The following DNAAF3 variants were observed in gnomAD, a reference collection of about 807,000 sequenced individuals.
DNAAF3 encodes the protein dynein axonemal assembly factor 3.
A neutral mutation model predicts 50.9 loss-of-function variants in DNAAF3; 40 were observed. The ratio of observed to expected loss-of-function variants is 0.79; its 90% CI spans 0.61 to 1.02. DNAAF3 has a LOEUF of 1.02. Ranked by LOEUF, DNAAF3 falls within the 50% of genes least tolerant of loss-of-function variation. The pLI, the probability that DNAAF3 is intolerant of heterozygous loss-of-function variation, is 0.00. For missense variants in DNAAF3, 763 were observed against 744.7 expected (o/e 1.02, Z -0.29); for synonymous variants, 327 against 322.8 (o/e 1.01, Z -0.14).
rs28377509 is a variant in DNAAF3, at chr19:55,159,457, T to C, written c.1239-8A>G. ...CGCACGTCCACCAGGTACCTGCAGA[T>C]GGGAAGCGCCCTGTCAGGGACCCAG... On this transcript the variant is annotated splice_region_variant and splice_polypyrimidine_tract_variant and intron_variant, in intron 11 of 11. Transcript: ENST00000524407. 0.26 allele frequency: 412,255 copies of C among 1,612,414 alleles called. 65,011 individuals carry two copies. The highest frequency in any genetic ancestry group is 0.66 in the African/African-American group (49,697 of 74,910).
chr19:55,159,015 A>G lies in DNAAF3; in HGVS notation c.*47T>C. 6.5e-7 allele frequency: 1 copy of G among 1,527,448 alleles called. No individual in the cohort carries two copies. Among genetic ancestry groups the G allele is most frequent in the South Asian group, 1.3e-5 (1 of 76,958 alleles). The allele number at this position is 1,527,448 out of a possible 1,614,324, so 94.6% of individuals were successfully genotyped here. On this transcript the variant is annotated 3_prime_UTR_variant, in exon 12 of 12. Coordinates refer to ENST00000524407, the MANE Select transcript of DNAAF3 (RefSeq NM_001256715.2). The stretch of plus-strand genomic sequence containing the variant: ...AATGGTATCAGCGGGTTCTCATCCT[A>G]CAACCTGACTTTGGAAGTTGGAGAT...
rs12104158 is a variant in DNAAF3, at chr19:55,161,599, G to T, written c.663+44C>A. 162,754 of 1,502,956 alleles carry T rather than the reference G, an allele frequency of 0.11. 9,424 individuals are homozygous for T. The highest frequency in any genetic ancestry group is 0.19 in the African/African-American group (13,562 of 71,608). The allele number at this position is 1,502,956 out of a possible 1,614,324, so 93.1% of individuals were successfully genotyped here. On this transcript the variant is annotated intron_variant, in intron 6 of 11. Coordinates refer to ENST00000524407, the MANE Select transcript of DNAAF3 (RefSeq NM_001256715.2). This position sits in a 1 kb window ranked among gnomAD's most constrained non-coding sequence, Gnocchi z 6.4. Reference sequence around the variant, plus strand: ...GAGGCCCCCAGCCCCTCCTCCCTCAGACCCAGGGGTCCAGGCCCCCAGCCC... The same window carrying T: ...GAGGCCCCCAGCCCCTCCTCCCTCATACCCAGGGGTCCAGGCCCCCAGCCC...
At chr19:55,164,584 G>C (rs942041549) in intron 4 of DNAAF3, among the ~76,000 whole-genome samples, 3 of 152,006 alleles carry the variant, frequency 2.0e-5, no homozygotes, top group Non-Finnish European at 4.4e-5. Context: ...GAGTGCAGTG[G>C]TGTGATCTCG....
At chr19:55,164,728 T>C (rs1416579459) in intron 4 of DNAAF3, among the ~76,000 whole-genome samples, 2 of 152,034 alleles carry the variant, frequency 1.3e-5, no homozygotes, top group Non-Finnish European at 2.9e-5. Flanking sequence ...TTTCACCATG[T>C]TGAGCAGGAT....
Position 55,160,824 on chromosome 19 carries a change from C to T in DNAAF3, c.913-49G>A. On this transcript the variant is annotated intron_variant, in intron 8 of 11. Coordinates refer to ENST00000524407, the MANE Select transcript of DNAAF3 (RefSeq NM_001256715.2). The surrounding 1 kb of genome is among the most constrained non-coding windows in gnomAD (Gnocchi z 4.7). ...AGACGTCGGGGCCAGGATGGCGGGG[C>T]GGGGCTTAGAACGCTGGGAGTCCTC... 6 of 1,584,282 alleles carry T rather than the reference C, an allele frequency of 3.8e-6. No homozygotes were observed. Among genetic ancestry groups the T allele is most frequent in the Non-Finnish European group, 5.1e-6 (6 of 1,172,014 alleles).
rs76662344 is a variant in DNAAF3, at chr19:55,162,851, G to A, written c.323-561C>T. The A allele has an allele frequency of 2.4e-3, 562 of 231,224 alleles. 4 individuals carry two copies. Among genetic ancestry groups the A allele is most frequent in the Non-Finnish European group, 3.6e-3 (509 of 140,660 alleles). The allele number at this position is 231,224 out of a possible 1,614,324, so 14.3% of individuals were successfully genotyped here. On this transcript the variant is annotated intron_variant, in intron 4 of 11. Coordinates refer to ENST00000524407, the MANE Select transcript of DNAAF3 (RefSeq NM_001256715.2). Reference sequence around the variant, plus strand: ...GACAGTGTCTCACTCTGTTGCCCAGGCTGAATGCAGTTGTGCCATCATAGT... The same window carrying A: ...GACAGTGTCTCACTCTGTTGCCCAGACTGAATGCAGTTGTGCCATCATAGT...
At position 55,166,149 on chromosome 19, in the gene DNAAF3, G is replaced by C; in HGVS notation, c.86-149C>G. 6.4e-7 allele frequency: 1 copy of C among 1,555,078 alleles called. No homozygotes were observed. The highest frequency in any genetic ancestry group is 8.7e-7 in the Non-Finnish European group (1 of 1,150,670). The stretch of plus-strand genomic sequence containing the variant: ...GAGGTGTTTCCTCTGAGTATTCTGG[G>C]ATTCGCAGTCCGCAGACAGGACCTC... On this transcript the variant is annotated intron_variant, in intron 2 of 11. Transcript: ENST00000524407. This position sits in a 1 kb window ranked among gnomAD's most constrained non-coding sequence, Gnocchi z 4.0.
rs1202513445 is a variant in DNAAF3 at position 55,160,929 on chromosome 19, C to T, written c.912+136G>A. 7 of 1,451,496 alleles carry T rather than the reference C, an allele frequency of 4.8e-6. No homozygotes were observed. The highest frequency in any genetic ancestry group is 2.5e-4 in the Middle Eastern group (1 of 3,974). The allele number at this position is 1,451,496 out of a possible 1,614,324, so 89.9% of individuals were successfully genotyped here. A position where few individuals can be genotyped will look rare whatever the true frequency, so the allele number is the denominator to read the frequency against. On this transcript the variant is annotated intron_variant, in intron 8 of 11. Transcript: ENST00000524407. This position sits in a 1 kb window ranked among gnomAD's most constrained non-coding sequence, Gnocchi z 4.7. Reference sequence around the variant, plus strand: ...CTATCCCGCGGGGATGGGGCCTGTTCTCTGAATGGAGTCGTTCCCACCAAG... The same window carrying T: ...CTATCCCGCGGGGATGGGGCCTGTTTTCTGAATGGAGTCGTTCCCACCAAG...
chr19:55,159,446 G>A lies in DNAAF3; in HGVS notation c.1242C>T (p.Tyr414=). The change falls in exon 12 of 12, where the codon TAC becomes TAT. Residue 414 remains tyrosine (Y), a synonymous_variant. Coordinates refer to ENST00000524407, the MANE Select transcript of DNAAF3 (RefSeq NM_001256715.2). ...GCTGCTCCTGCCGCACGTCCACCAGGTACCTGCAGATGGGAAGCGCCCTGT... is the reference window on the plus strand; with the variant it reads ...GCTGCTCCTGCCGCACGTCCACCAGATACCTGCAGATGGGAAGCGCCCTGT... ...GGNLIVELAR[Y]LVDVRQEQLQ... 6.2e-7 allele frequency: 1 copy of A among 1,613,658 alleles called. No homozygotes were observed. Among genetic ancestry groups the A allele is most frequent in the Non-Finnish European group, 8.5e-7 (1 of 1,179,604 alleles).
rs1227259706 is a variant in DNAAF3 at position 55,159,540 on chromosome 19, A to G, written c.1231T>C (p.Leu411=). The change falls in exon 11 of 12, where the codon TTA becomes CTA. Residue 411 remains leucine, a synonymous_variant. Transcript: ENST00000524407. ...TCCACCCCACTGACTCACCGGGCTAATTCCACAATCAAGTTCCCTCCGGGT... is the reference window on the plus strand; with the variant it reads ...TCCACCCCACTGACTCACCGGGCTAGTTCCACAATCAAGTTCCCTCCGGGT... ...VAPGGNLIVE[L]ARYLVDVRQE... is the part of the protein sequence containing the mutation. 1.9e-6 allele frequency: 3 copies of G among 1,599,328 alleles called. No homozygotes were observed. Among genetic ancestry groups the G allele is most frequent in the Non-Finnish European group, 2.6e-6 (3 of 1,172,174 alleles).
chr19:55,160,808 G>A lies in DNAAF3; in HGVS notation c.913-33C>T. The stretch of plus-strand genomic sequence containing the variant: ...TAGAAGGGGCGTGGCCAGACGTCGG[G>A]GCCAGGATGGCGGGGCGGGGCTTAG... On this transcript the variant is annotated intron_variant, in intron 8 of 11. Coordinates refer to ENST00000524407, the MANE Select transcript of DNAAF3 (RefSeq NM_001256715.2). This position sits in a 1 kb window ranked among gnomAD's most constrained non-coding sequence, Gnocchi z 4.7. 1.3e-6 allele frequency: 2 copies of A among 1,595,356 alleles called. No individual in the cohort carries two copies. The highest frequency in any genetic ancestry group is 1.7e-6 in the Non-Finnish European group (2 of 1,175,320).
At chr19:55,164,949 T>G (rs917902131) in intron 4 of DNAAF3, among the ~76,000 whole-genome samples, 1 of 120,962 alleles carries the variant, frequency 8.3e-6, no homozygotes, top group Non-Finnish European at 1.9e-5. Flanking sequence ...ATATATTGGA[T>G]TTTTTTTTTC....
At position 55,165,905 on chromosome 19, in the gene DNAAF3, G is replaced by A. The variant is rs1332214216; in HGVS notation, c.181C>T (p.Leu61=). 1.2e-6 allele frequency: 2 copies of A among 1,614,216 alleles called. No homozygotes were observed. The highest frequency in any genetic ancestry group is 1.7e-6 in the Non-Finnish European group (2 of 1,180,040). The stretch of plus-strand genomic sequence containing the variant: ...AACTTCGCTCGGGACAGGGTCCGCA[G>A]CAGGTGCCGTCCATCCACAGAGCCC... ...LLGSVDGRHL[L]RTLSRAKFWP... Residue 61 remains leucine (L), a synonymous_variant, in exon 3 of 12, where the codon CTG becomes TTG. Coordinates refer to ENST00000524407, the MANE Select transcript of DNAAF3 (RefSeq NM_001256715.2).
Position 55,161,631 on chromosome 19 carries a change from TG to T in DNAAF3, c.663+11del, listed in dbSNP as rs1174540829. The T allele has an allele frequency of 6.5e-7, 1 of 1,531,290 alleles. No individual in the cohort carries two copies. The highest frequency in any genetic ancestry group is 2.0e-5 in the Admixed American group (1 of 50,228). 94.9% of individuals were successfully genotyped at this position (1,531,290 alleles called of 1,614,324 possible). On this transcript the variant is annotated intron_variant, in intron 6 of 11. Transcript: ENST00000524407. This position sits in a 1 kb window ranked among gnomAD's most constrained non-coding sequence, Gnocchi z 6.4. ...GGGTCCAGGCCCCCAGCCCCTCTCCTGGGCCCCTCACCCCGCGGTCATGCAG... is the reference window on the plus strand; with the variant it reads ...GGGTCCAGGCCCCCAGCCCCTCTCCTGGCCCCTCACCCCGCGGTCATGCAG...
rs769605152 is a variant in DNAAF3, at chr19:55,160,763, T to G, written c.925A>C (p.Ile309Leu). 3.1e-6 allele frequency: 5 copies of G among 1,610,708 alleles called. No individual in the cohort carries two copies. The highest frequency in any genetic ancestry group is 1.7e-5 in the Admixed American group (1 of 59,826). ...NGQPVKTAGE[I>L]TQHNVTELLR... ...AGCTCCGTCACGTTGTGTTGAGTGA[T>G]CTCCCCGGCCGTCTAACAGTAGAAG... Residue 309 changes from isoleucine (I) to leucine (L), a missense_variant, in exon 9 of 12, where the codon ATC becomes CTC. Physicochemically the swap from Ile to Leu is conservative, Grantham distance 5. Coordinates refer to ENST00000524407, the MANE Select transcript of DNAAF3 (RefSeq NM_001256715.2). This position sits in a 1 kb window ranked among gnomAD's most constrained non-coding sequence, Gnocchi z 4.7.
In DNAAF3 at chr19:55,161,769, T is replaced by C; in HGVS notation, c.537A>G (p.Lys179=). ...AVFRFWAGGE[K]GPQAFPMSRL... is the part of the protein sequence containing the mutation. ...GGCTCATGGGGAACGCCTGGGGCCC[T>C]TTCTCGCCGCCAGCCCAGAAGCGGA... Residue 179 remains lysine, a synonymous_variant, in exon 6 of 12, where the codon AAA becomes AAG. Coordinates refer to ENST00000524407, the MANE Select transcript of DNAAF3 (RefSeq NM_001256715.2). The surrounding 1 kb of genome is among the most constrained non-coding windows in gnomAD (Gnocchi z 6.4). The C allele has an allele frequency of 6.6e-7, 1 of 1,508,716 alleles. No homozygotes were observed. Among genetic ancestry groups the C allele is most frequent in the South Asian group, 1.2e-5 (1 of 80,180 alleles). The allele number at this position is 1,508,716 out of a possible 1,614,324, so 93.5% of individuals were successfully genotyped here.
rs762086943 is a variant in DNAAF3, at chr19:55,166,475, G to C, written c.-5+48C>G. 2 of 1,612,752 alleles carry C rather than the reference G, an allele frequency of 1.2e-6. No homozygotes were observed. Among genetic ancestry groups the C allele is most frequent in the African/African-American group, 1.3e-5 (1 of 74,806 alleles). ...TTGCCCGCCCCGCTCCCCTCTCACC[G>C]CCCCTCACTTCTCGCCCCTTTGCCT... On this transcript the variant is annotated intron_variant, in intron 1 of 11. Transcript: ENST00000524407. The surrounding 1 kb of genome is among the most constrained non-coding windows in gnomAD (Gnocchi z 4.0).
chr19:55,159,572 C>A lies in DNAAF3; in HGVS notation c.1199G>T (p.Cys400Phe). The A allele has an allele frequency of 6.2e-7, 1 of 1,607,358 alleles. No homozygotes were observed. Among genetic ancestry groups the A allele is most frequent in the Non-Finnish European group, 8.5e-7 (1 of 1,176,624 alleles). ...VHLLIPELGA[C>F]VAPGGNLIVE... is the part of the protein sequence containing the mutation. ...AATCAAGTTCCCTCCGGGTGCCACA[C>A]AGGCCCCAAGCTCAGGGATGAGAAG... The change falls in exon 11 of 12, where the codon TGT becomes TTT. Residue 400 changes from cysteine (C) to phenylalanine (F), a missense_variant. Coordinates refer to ENST00000524407, the MANE Select transcript of DNAAF3 (RefSeq NM_001256715.2).
In DNAAF3 at chr19:55,161,661, C is replaced by T; in HGVS notation, c.645G>A (p.Met215Ile). 1 of 1,538,826 alleles carries T rather than the reference C, an allele frequency of 6.5e-7. No homozygotes were observed. The highest frequency in any genetic ancestry group is 8.7e-7 in the Non-Finnish European group (1 of 1,146,314). ...CCCTCACCCCGCGGTCATGCAGCTT[C>T]ATGCGCAGGTCCCAGTCGCTGACAC... The part of the protein sequence containing the change: ...RRGVSDWDLR[M>I]KLHDRGAQVI... The change falls in exon 6 of 12, where the codon ATG becomes ATA. Residue 215 changes from methionine (M) to isoleucine (I), a missense_variant. Coordinates refer to ENST00000524407, the MANE Select transcript of DNAAF3 (RefSeq NM_001256715.2). This position sits in a 1 kb window ranked among gnomAD's most constrained non-coding sequence, Gnocchi z 6.4.
Sources: allele counts gnomAD v4.1 joint callset (sites outside exome capture counted in the v4.1 genomes callset), GRCh38; gene constraint gnomAD v4.1.1; non-coding constraint Gnocchi (gnomAD v3.1); transcripts MANE v1.5; gene names NCBI Gene and HGNC (gene_info 2026-07-23, HGNC 2026-07-21).